Variants in ZNF500 observed in about 807,000 individuals in gnomAD.
ZNF500 encodes the protein zinc finger protein with KRAB and SCAN domains 18.
A neutral mutation model predicts 30.1 loss-of-function variants in ZNF500; 31 were observed. That is an observed-to-expected ratio of 1.03 (90% confidence interval 0.77 to 1.39). The LOEUF (loss-of-function observed/expected upper bound fraction) is 1.39. ZNF500 is among the 40% of genes most tolerant of loss of function. ZNF500 has a pLI of 0.00. For synonymous variants in ZNF500, 392 were observed against 282.0 expected, an observed-to-expected ratio of 1.39 and a Z score of -3.91; for missense variants, 817 against 657.8, an observed-to-expected ratio of 1.24 and a Z score of -2.65.
intron 1 of ZNF500, among the ~76,000 whole-genome samples, chr16:4,766,589 C>G (rs1048984559): frequency 2.0e-5 from 3 of 152,152 alleles, no homozygotes; most frequent in African/African-American, 7.2e-5. Context: ...CCACTGCACT[C>G]CAGCCTGGGC....
At position 4,752,661 on chromosome 16, in the gene ZNF500, A is replaced by G; in HGVS notation, c.1158T>C (p.Cys386=). 6.2e-7 allele frequency: 1 copy of G among 1,613,484 alleles called. No homozygotes were observed. The highest frequency in any genetic ancestry group is 8.5e-7 in the Non-Finnish European group (1 of 1,179,790). The change falls in exon 6 of 6, where the codon TGT becomes TGC. Residue 386 remains cysteine (C), a synonymous_variant. Coordinates refer to ENST00000219478, the MANE Select transcript of ZNF500 (RefSeq NM_021646.4). ...TGGAGCTCTGGCTGAAGCGCTTCCC[A>G]CACTCGGGGCACGGGTAGGGCTTCT... ...TGEKPYPCPE[C]GKRFSQSSSL...
At chr16:4,745,964 A>AAAG (rs984454107), downstream of ZNF500, among the ~76,000 whole-genome samples, 1 of 151,814 alleles carries the variant, frequency 6.6e-6, no homozygotes, top group Non-Finnish European at 1.5e-5. Context: ...AAAAAAAAAA[A>AAAG]AAAAAGAAAA....
rs755819308 is a variant in ZNF500, at chr16:4,765,671, G to C, written c.308C>G (p.Pro103Arg). The C allele has an allele frequency of 3.1e-6, 5 of 1,613,558 alleles. No individual in the cohort carries two copies. Among genetic ancestry groups the C allele is most frequent in the Non-Finnish European group, 4.2e-6 (5 of 1,179,952 alleles). Residue 103 changes from proline (P) to arginine (R), a missense_variant, in exon 2 of 6, where the codon CCG becomes CGG. By Grantham distance (103) the Pro-to-Arg change is moderately radical (BLOSUM62 -2). Transcript: ENST00000219478. Reference sequence around the variant, plus strand: ...GCGTACCCGAGCCTGGATCTCCCCCGGCAGCACAGTCAGGAACTGCTCCAG... The same window carrying C: ...GCGTACCCGAGCCTGGATCTCCCCCCGCAGCACAGTCAGGAACTGCTCCAG... ...LVLEQFLTVLPGEIQARVREQ... is the reference protein window; with the variant it reads ...LVLEQFLTVLRGEIQARVREQ...
downstream of ZNF500, among the ~76,000 whole-genome samples, chr16:4,745,878 C>T (rs2082008797): frequency 6.7e-6 from 1 of 149,526 alleles, no homozygotes; most frequent in Admixed American, 6.8e-5. Flanking sequence ...CTCTTGAACC[C>T]AGGAGGCGGA....
chr16:4,760,988 G>T (rs2082192451), intron 4 of ZNF500, among the ~76,000 whole-genome samples: 1 of 152,114 alleles, frequency 6.6e-6, no homozygotes, highest in Non-Finnish European at 1.5e-5. Context: ...TGTAGCACCA[G>T]ATTGACCCGG....
At chr16:4,746,960 G>A (rs1300788276), downstream of ZNF500, 2 of 1,555,108 alleles carry the variant, frequency 1.3e-6, no homozygotes, top group South Asian at 1.2e-5. Flanking sequence ...GTGAGGAGGA[G>A]GAGGAGGAAG....
downstream of ZNF500, chr16:4,747,078 G>A: frequency 6.8e-7 from 1 of 1,468,324 alleles, no homozygotes; most frequent in Non-Finnish European, 9.1e-7. Context: ...TCTGCTTTCT[G>A]CAGCAAGCCC....
downstream of ZNF500, chr16:4,747,580 A>G (rs759479050): frequency 2.5e-6 from 4 of 1,610,610 alleles, no homozygotes; most frequent in African/African-American, 4.0e-5. Flanking sequence ...TTCCTGAGCC[A>G]GGGGCAGCCA....
intron 1 of ZNF500, among the ~76,000 whole-genome samples, chr16:4,766,423 C>T (rs1309344882): frequency 6.6e-6 from 1 of 152,140 alleles, no homozygotes; most frequent in Non-Finnish European, 1.5e-5. Flanking sequence ...CAGGAGTTGA[C>T]CACCTGGTCA....
chr16:4,754,343 G>A (rs2082114717), intron 5 of ZNF500, among the ~76,000 whole-genome samples: 1 of 152,052 alleles, frequency 6.6e-6, no homozygotes, highest in African/African-American at 2.4e-5. Context: ...GGCACGTACT[G>A]AGCCTCAAAT....
chr16:4,747,957 G>T (rs1397237421), downstream of ZNF500, among the ~76,000 whole-genome samples: 1 of 152,178 alleles, frequency 6.6e-6, no homozygotes, highest in East Asian at 1.9e-4. Context: ...TCTTTCTCCA[G>T]TTCTGCATTT....
chr16:4,766,035 A>G lies in ZNF500; in HGVS notation c.-57T>C. On this transcript the variant is annotated 5_prime_UTR_variant, in exon 2 of 6. Coordinates refer to ENST00000219478, the MANE Select transcript of ZNF500 (RefSeq NM_021646.4). The stretch of plus-strand genomic sequence containing the variant: ...CTTAGAGTTGAACCTGTCTCTCTCT[A>G]TACCTCTGGCCAGACACAGGAAGAG... 4.0e-6 allele frequency: 6 copies of G among 1,500,500 alleles called. No individual in the cohort carries two copies. The highest frequency in any genetic ancestry group is 4.4e-6 in the Non-Finnish European group (5 of 1,131,452). The allele number at this position is 1,500,500 out of a possible 1,614,324, so 92.9% of individuals were successfully genotyped here.
rs2082259727 is a variant in ZNF500, at chr16:4,765,845, C to T, written c.134G>A (p.Ser45Asn). The change falls in exon 2 of 6, where the codon AGC (serine) becomes AAC (asparagine). Residue 45 changes from serine (S) to asparagine (N), a missense_variant. Ser to Asn is a conservative substitution (Grantham distance 46). Coordinates refer to ENST00000219478, the MANE Select transcript of ZNF500 (RefSeq NM_021646.4). Reference protein sequence around the residue: ...EEPSVETEDPSPETFRQLFRL... With the variant: ...EEPSVETEDPNPETFRQLFRL... ...GAAGAGCTGGCGGAAAGTCTCAGGG[C>T]TGGGGTCCTCCGTCTCCACGGAGGG... is the stretch of plus-strand genomic sequence containing the variant. 1 of 1,613,774 alleles carries T rather than the reference C, an allele frequency of 6.2e-7. No individual in the cohort carries two copies. The highest frequency in any genetic ancestry group is 1.3e-5 in the African/African-American group (1 of 75,046).
chr16:4,744,844 TC>T, downstream of ZNF500: 1 of 1,603,930 alleles, frequency 6.2e-7, no homozygotes, highest in Non-Finnish European at 8.5e-7. Flanking sequence ...TCCCCACTAA[TC>T]AGCCTCTCCT....
At chr16:4,747,409 C>G, downstream of ZNF500, 1 of 1,612,720 alleles carries the variant, frequency 6.2e-7, no homozygotes, top group Non-Finnish European at 8.5e-7. Flanking sequence ...CAGCCCAGCC[C>G]GAGCTGCCTG....
intron 5 of ZNF500, among the ~76,000 whole-genome samples, chr16:4,757,824 G>A (rs1056843011): frequency 3.3e-5 from 5 of 150,088 alleles, no homozygotes; most frequent in East Asian, 4.0e-4. Context: ...GGATGGACTC[G>A]ATCTCCTGAC....
In ZNF500 at chr16:4,760,299, T is replaced by C. The variant is rs145109553; in HGVS notation, c.760+193A>G. ...GAAGAACAGGATGGCAAGGCAGTGC[T>C]GGGCATCTGCCTGAGTCACGGCCGA... On this transcript the variant is annotated intron_variant, in intron 5 of 5. Coordinates refer to ENST00000219478, the MANE Select transcript of ZNF500 (RefSeq NM_021646.4). Among the ~76,000 whole-genome samples, 47 of 152,194 alleles carry C rather than the reference T, an allele frequency of 3.1e-4. 1 individual carries two copies. Among genetic ancestry groups the C allele is most frequent in the Admixed American group, 2.0e-3 (30 of 15,276 alleles).
downstream of ZNF500, among the ~76,000 whole-genome samples, chr16:4,745,956 AAAAAAAAAAAAAAG>A (rs1263864048): frequency 2.6e-5 from 4 of 151,150 alleles, no homozygotes; most frequent in Non-Finnish European, 4.4e-5. Flanking sequence ...CTGTCTCAAA[AAAAAAAAAAAAAAG>A]AAAAAGAAAA....
Position 4,762,331 on chromosome 16 carries a change from A to T in ZNF500, c.603T>A (p.Pro201=), listed in dbSNP as rs1404409840. 1 of 1,606,692 alleles carries T rather than the reference A, an allele frequency of 6.2e-7. No individual in the cohort carries two copies. The highest frequency in any genetic ancestry group is 8.5e-7 in the Non-Finnish European group (1 of 1,176,750). ...CCATCTCCTGATGCCGGGGAGCTGG[A>T]GGGCCTGGGAAGGAGCAGAGTCACC... ...RGPLLWPERG[P]PAPRHQEMAS... is the part of the protein sequence containing the mutation. The change falls in exon 4 of 6, where the codon CCT becomes CCA. Residue 201 remains proline, a synonymous_variant. Coordinates refer to ENST00000219478, the MANE Select transcript of ZNF500 (RefSeq NM_021646.4).
Sources: allele counts gnomAD v4.1 joint callset (sites outside exome capture counted in the v4.1 genomes callset), GRCh38; gene constraint gnomAD v4.1.1; transcripts MANE v1.5; gene names NCBI Gene and HGNC (gene_info 2026-07-23, HGNC 2026-07-21).